NDUFB1: variants seen among roughly 807,000 people sequenced by gnomAD.
The protein encoded by NDUFB1 is NADH:ubiquinone oxidoreductase subunit B1.
Under a neutral mutation model 6.7 loss-of-function variants are expected in NDUFB1, and 6 were observed. The observed-to-expected ratio is 0.89, with a 90% CI of 0.49 to 1.76. The LOEUF is 1.76. Ranked by LOEUF, NDUFB1 falls within the 40% of genes most tolerant of loss-of-function variation. NDUFB1 has a pLI of 0.01. For synonymous variants in NDUFB1, 17 were observed against 22.9 expected (o/e 0.74, Z 0.74); for missense variants, 56 against 71.0 (o/e 0.79, Z 0.76).
At chr14:92,118,973 CAGAAAAAAAAGAA>C (rs1337873776) in intron 1 of NDUFB1, 8 of 339,172 alleles carry the variant, frequency 2.4e-5, no homozygotes, top group Non-Finnish European at 2.2e-5. Flanking sequence ...GTCTCTGTCT[CAGAAAAAAAAGAA>C]AGAAAAAAAA....
chr14:92,117,938 C>T (rs1347696634), intron 1 of NDUFB1: 6 of 349,528 alleles, frequency 1.7e-5, no homozygotes, highest in Non-Finnish European at 3.2e-5. Context: ...GCGGAGGTTG[C>T]AGTGAGCCAA....
chr14:92,120,649 C>CTTTTTTTTTTTTTT (rs1555412869), intron 1 of NDUFB1, among the ~76,000 whole-genome samples: 1 of 76,978 alleles, frequency 1.3e-5, no homozygotes, highest in African/African-American at 6.0e-5. Flanking sequence ...CGCGCCCGGC[C>CTTTTTTTTTTTTTT]GTTCAAGTGA....
chr14:92,119,003 A>G (rs1348133315), intron 1 of NDUFB1: 1 of 359,144 alleles, frequency 2.8e-6, no homozygotes, highest in Admixed American at 3.7e-5. Flanking sequence ...AAAAAGGCAA[A>G]GGGAGAAGAA....
chr14:92,118,671 T>G (rs2068732274), intron 1 of NDUFB1: 1 of 152,446 alleles, frequency 6.6e-6, no homozygotes, highest in Non-Finnish European at 1.5e-5. Flanking sequence ...GAATATAAAT[T>G]ACTCTAAAAA....
At position 92,117,620 on chromosome 14, in the gene NDUFB1, C is replaced by G. The variant is rs553152520; in HGVS notation, c.18G>C (p.Gln6His). The change falls in exon 2 of 3, where the codon CAG becomes CAC. Residue 6 changes from glutamine to histidine, a missense_variant. Gln to His is a conservative substitution (Grantham distance 24, BLOSUM62 0). Transcript: ENST00000605997. Reference protein sequence around the residue: MVNLLQIVRDHWVHVL... With the variant: MVNLLHIVRDHWVHVL... ...CATGAACCCAGTGGTCCCGCACAAT[C>G]TGAAGTAAGTTCACCATGATAGCTA... 2.5e-6 allele frequency: 4 copies of G among 1,613,848 alleles called. No homozygotes were observed. The highest frequency in any genetic ancestry group is 2.2e-5 in the East Asian group (1 of 44,876).
At chr14:92,118,238 A>G (rs1372776464) in intron 1 of NDUFB1, 1 of 152,572 alleles carries the variant, frequency 6.6e-6, no homozygotes, top group African/African-American at 2.4e-5. Flanking sequence ...GAGCAGAGAA[A>G]CAGAGATGGT....
chr14:92,117,691 T>C (rs765146585), intron 1 of NDUFB1, 49 bp from the exon 2 acceptor site: 1 of 1,574,772 alleles, frequency 6.4e-7, no homozygotes, highest in African/African-American at 1.4e-5. Flanking sequence ...GTTTTTTTTT[T>C]GAAATAGCTT....
chr14:92,119,971 G>C (rs966080819), intron 1 of NDUFB1, among the ~76,000 whole-genome samples: 21 of 151,966 alleles, frequency 1.4e-4, no homozygotes, highest in Admixed American at 1.3e-3. Context: ...ATGTTGCCCA[G>C]GCTGGTCTCA....
Position 92,117,615 on chromosome 14 carries a change from A to G in NDUFB1, c.23T>C (p.Val8Ala). The G allele has an allele frequency of 6.2e-7, 1 of 1,614,074 alleles. No individual in the cohort carries two copies. The highest frequency in any genetic ancestry group is 1.1e-5 in the South Asian group (1 of 91,070). Residue 8 changes from valine (V) to alanine (A), a missense_variant, in exon 2 of 3, where the codon GTG (valine) becomes GCG (alanine). Physicochemically the swap from Val to Ala is moderately conservative, Grantham distance 64 (BLOSUM62 0). Transcript: ENST00000605997. The stretch of plus-strand genomic sequence containing the variant: ...AAGAACATGAACCCAGTGGTCCCGC[A>G]CAATCTGAAGTAAGTTCACCATGAT... MVNLLQI[V>A]RDHWVHVLVP...
At chr14:92,116,286 G>C (rs1210371919) in intron 2 of NDUFB1, 57 bp from the exon 3 acceptor site, 2 of 1,325,184 alleles carry the variant, frequency 1.5e-6, no homozygotes, top group East Asian at 2.3e-5. Flanking sequence ...ACTGTGATAC[G>C]AGATAAAAGG....
At chr14:92,117,886 T>C (rs1029214667) in intron 1 of NDUFB1, 9 of 424,742 alleles carry the variant, frequency 2.1e-5, no homozygotes, top group Admixed American at 1.1e-4. Context: ...TTATCCCAGC[T>C]ACTGGAGAGG....
intron 2 of NDUFB1, 98 bp from the exon 3 acceptor site, chr14:92,116,327 TTTTC>T (rs1338810398): frequency 2.3e-6 from 2 of 871,238 alleles, no homozygotes; most frequent in Non-Finnish European, 3.4e-6. Context: ...CAATATTTCA[TTTTC>T]TTTTTTTTTT....
chr14:92,121,542 C>T (rs991260406), intron 1 of NDUFB1, 100 bp downstream of exon 1: 53 of 1,548,238 alleles, frequency 3.4e-5, no homozygotes, highest in Non-Finnish European at 4.2e-5. Flanking sequence ...CCCAGACCAC[C>T]CCTCCACACA....
intron 1 of NDUFB1, among the ~76,000 whole-genome samples, chr14:92,119,335 G>T (rs1239983632): frequency 6.6e-6 from 1 of 150,900 alleles, no homozygotes; most frequent in Non-Finnish European, 1.5e-5. Flanking sequence ...AGACTACTAG[G>T]TTACTAGGTA....
chr14:92,119,236 CAA>C (rs147322532), intron 1 of NDUFB1, among the ~76,000 whole-genome samples: 29,602 of 150,188 alleles, frequency 0.2, 3,168 homozygotes, highest in East Asian at 0.3. Flanking sequence ...TGCTTGAGCC[CAA>C]GAGACGGAGG....
chr14:92,119,738 C>T (rs893809488), intron 1 of NDUFB1, among the ~76,000 whole-genome samples: 2 of 151,856 alleles, frequency 1.3e-5, no homozygotes, highest in Non-Finnish European at 2.9e-5. Flanking sequence ...ATACCTTATA[C>T]ACATAGCCTG....
chr14:92,117,952 C>T (rs1248886435), intron 1 of NDUFB1: 7 of 327,554 alleles, frequency 2.1e-5, no homozygotes, highest in East Asian at 8.0e-5. Context: ...GAGCCAAGAT[C>T]GTGCCACTGT....
chr14:92,120,717 G>C (rs1188446613), intron 1 of NDUFB1, among the ~76,000 whole-genome samples: 1 of 148,204 alleles, frequency 6.7e-6, no homozygotes, highest in Non-Finnish European at 1.5e-5. Flanking sequence ...ACCACGCCCG[G>C]CTAATTTTTG....
rs766876813 is a variant in NDUFB1, at chr14:92,121,664, G to T, written c.-28C>A. The T allele has an allele frequency of 1.2e-6, 2 of 1,609,404 alleles. No homozygotes were observed. The highest frequency in any genetic ancestry group is 8.5e-7 in the Non-Finnish European group (1 of 1,178,568). ...CACCTGCAGCCTCAGCGCCTACAGC[G>T]ACCCCGAGACCAAGGGCAACAGGGA... On this transcript the variant is annotated 5_prime_UTR_variant, in exon 1 of 3. Transcript: ENST00000605997.
Sources: allele counts gnomAD v4.1 joint callset (sites outside exome capture counted in the v4.1 genomes callset), GRCh38; gene constraint gnomAD v4.1.1; transcripts MANE v1.5; gene names NCBI Gene and HGNC (gene_info 2026-07-23, HGNC 2026-07-21).